The following CLCN2 variants were observed in gnomAD, a reference collection of about 807,000 sequenced individuals.
The protein encoded by CLCN2 is chloride channel protein 2.
A neutral mutation model predicts 108.3 loss-of-function variants in CLCN2; 72 were observed. That is an observed-to-expected ratio of 0.66 (90% confidence interval 0.55 to 0.81). The LOEUF (loss-of-function observed/expected upper bound fraction) is 0.81. CLCN2 is among the 30% of genes least tolerant of loss of function. The pLI, the probability that CLCN2 is intolerant of heterozygous loss-of-function variation, is 0.00. For synonymous variants in CLCN2, 471 were observed against 467.1 expected, an observed-to-expected ratio of 1.01 and a Z score of -0.11; for missense variants, 1,048 against 1,205.2, an observed-to-expected ratio of 0.87 and a Z score of 1.93.
chr3:184,354,582 G>A lies in CLCN2; in HGVS notation c.1473C>T (p.Thr491=). The A allele has an allele frequency of 1.2e-6, 2 of 1,613,320 alleles. No homozygotes were observed. The highest frequency in any genetic ancestry group is 1.7e-6 in the Non-Finnish European group (2 of 1,179,974). The change falls in exon 14 of 24, where the codon ACC becomes ACT. Residue 491 remains threonine (T), a synonymous_variant. Coordinates refer to ENST00000265593, the MANE Select transcript of CLCN2 (RefSeq NM_004366.6). ...CGTAGCCCCCAGGCACAATCCGGTA[G>A]GTGCTGCTGTCCGTATGAATTCCAT... is the stretch of plus-strand genomic sequence containing the variant. ...FPDGIHTDSS[T]YRIVPGGYAV...
At chr3:184,356,765 T>C (rs1728583771) in intron 10 of CLCN2, 1 of 565,124 alleles carries the variant, frequency 1.8e-6, no homozygotes, top group Admixed American at 2.9e-5. Flanking sequence ...GGCCTTAGTC[T>C]TTGATTCCCA....
At position 184,352,757 on chromosome 3, in the gene CLCN2, G is replaced by A. The variant is rs200095202; in HGVS notation, c.2197C>T (p.Pro733Ser). Residue 733 changes from proline (P) to serine (S), a missense_variant, in exon 19 of 24, where the codon CCC becomes TCC. Pro to Ser is a moderately conservative substitution (Grantham distance 74, BLOSUM62 -1). Transcript: ENST00000265593. ...ALRSLFCGSP[P>S]PEAASEKLES... ...CTCACCTCCGAAGCAGCCTCAGGGG[G>A]TGGACTGCCACAGAAGAGGCTCCGG... 47 of 1,613,076 alleles carry A rather than the reference G, an allele frequency of 2.9e-5. No homozygotes were observed. In the Admixed American group the frequency reaches 7.5e-4, roughly 26 times the overall value.
chr3:184,346,887 C>T lies in CLCN2; in HGVS notation c.2502+48G>A. 6.2e-7 allele frequency: 1 copy of T among 1,611,584 alleles called. No homozygotes were observed. ...CCCAGGTGAGCTGGACATAAGCCTC[C>T]ATGACTTTTTGGAAGTGGAGCAGCT... On this transcript the variant is annotated intron_variant, in intron 23 of 23. Coordinates refer to ENST00000265593, the MANE Select transcript of CLCN2 (RefSeq NM_004366.6). This position sits in a 1 kb window ranked among gnomAD's most constrained non-coding sequence, Gnocchi z 6.0.
chr3:184,346,646 C>T lies in CLCN2; in HGVS notation c.2657G>A (p.Arg886Gln), dbSNP rs759074708. The T allele has an allele frequency of 4.5e-5, 72 of 1,614,030 alleles. No homozygotes were observed. The highest frequency in any genetic ancestry group is 3.7e-4 in the Admixed American group (22 of 60,010). The change falls in exon 24 of 24, where the codon CGG (arginine) becomes CAG (glutamine). Residue 886 changes from arginine to glutamine, a missense_variant. Coordinates refer to ENST00000265593, the MANE Select transcript of CLCN2 (RefSeq NM_004366.6). This position sits in a 1 kb window ranked among gnomAD's most constrained non-coding sequence, Gnocchi z 6.0. ...GTCGCTGTCGGAAGGGCTGCCCTCC[C>T]GGGGGAGGCCATGACGGGAGTGGGG... The part of the protein sequence containing the change: ...WGPHSRHGLP[R>Q]EGSPSDSDDK...
rs185723263 is a variant in CLCN2 at position 184,360,992 on chromosome 3, A to G, written c.63+425T>C. Among the ~76,000 whole-genome samples the G allele has an allele frequency of 4.0e-4, 61 of 152,306 alleles. 1 individual carries two copies. In the East Asian group the frequency reaches 9.9e-3, roughly 25 times the overall value. ...ACCATCTTTCTACACACTCGATTCT[A>G]TGCTTAGCATGGTGCCATGCACATG... On this transcript the variant is annotated intron_variant, in intron 1 of 23. Coordinates refer to ENST00000265593, the MANE Select transcript of CLCN2 (RefSeq NM_004366.6).
At position 184,354,615 on chromosome 3, in the gene CLCN2, C is replaced by G; in HGVS notation, c.1440G>C (p.Trp480Cys). The G allele has an allele frequency of 1.2e-6, 2 of 1,612,928 alleles. No homozygotes were observed. The highest frequency in any genetic ancestry group is 1.7e-6 in the Non-Finnish European group (2 of 1,179,922). Residue 480 changes from tryptophan (W) to cysteine (C), a missense_variant, in exon 14 of 24, where the codon TGG becomes TGC. By Grantham distance (215) the Trp-to-Cys change is radical. Coordinates refer to ENST00000265593, the MANE Select transcript of CLCN2 (RefSeq NM_004366.6). ...TGTCCGTATGAATTCCATCTGGGAA[C>G]CAGGCAGCCATGCTTTCACCCACCA... ...GRLVGESMAA[W>C]FPDGIHTDSS...
At chr3:184,347,396 T>G in intron 22 of CLCN2, 1 of 358,882 alleles carries the variant, frequency 2.8e-6, no homozygotes, top group Non-Finnish European at 5.4e-6. Context: ...TCCAGTACTG[T>G]CCTGAGAACT....
At chr3:184,360,209 T>G (rs73189632) in intron 1 of CLCN2, among the ~76,000 whole-genome samples, 5 of 142,724 alleles carry the variant, frequency 3.5e-5, no homozygotes, top group Non-Finnish European at 6.1e-5. Flanking sequence ...AGGAGGGAGG[T>G]GAGAGTGGGA....
In CLCN2 at chr3:184,355,202, T is replaced by G; in HGVS notation, c.1326+172A>C. 2.4e-6 allele frequency: 2 copies of G among 831,804 alleles called. No homozygotes were observed. The highest frequency in any genetic ancestry group is 3.4e-4 in the Middle Eastern group (1 of 2,956). 51.5% of individuals were successfully genotyped at this position (831,804 alleles called of 1,614,324 possible). A position where few individuals can be genotyped will look rare whatever the true frequency, so the allele number is the denominator to read the frequency against. On this transcript the variant is annotated intron_variant, in intron 12 of 23. Transcript: ENST00000265593. This position sits in a 1 kb window ranked among gnomAD's most constrained non-coding sequence, Gnocchi z 6.3. ...AGATCATCGCTCTGCCCTCTAGCTG[T>G]GTGACTTTGGGCCAGCTACTTGTGT... is the stretch of plus-strand genomic sequence containing the variant.
Position 184,355,428 on chromosome 3 carries a change from C to A in CLCN2, c.1272G>T (p.Trp424Cys), listed in dbSNP as rs1488336044. 1.9e-6 allele frequency: 3 copies of A among 1,614,022 alleles called. No homozygotes were observed. In the South Asian group the frequency reaches 3.3e-5, roughly 18 times the overall value. The change falls in exon 12 of 24, where the codon TGG becomes TGT. Residue 424 changes from tryptophan to cysteine, a missense_variant. By Grantham distance (215) the Trp-to-Cys change is radical. Coordinates refer to ENST00000265593, the MANE Select transcript of CLCN2 (RefSeq NM_004366.6). This position sits in a 1 kb window ranked among gnomAD's most constrained non-coding sequence, Gnocchi z 6.3. ...GGAAGACGTTGGCACGTGGTGGGTT[C>A]CAGGCCTGTGAGGTGCTGGGTGGTT... ...ELEPPSTSQA[W>C]NPPRANVFLT...
rs1728448801 is a variant in CLCN2, at chr3:184,355,117, C to T, written c.1327-144G>A. 7.0e-6 allele frequency: 6 copies of T among 854,406 alleles called. No individual in the cohort carries two copies. The Admixed American group carries it at 1.0e-4, about 15-fold the overall frequency. The allele number at this position is 854,406 out of a possible 1,614,324, so 52.9% of individuals were successfully genotyped here. ...CGTAACCCTCCTAGCTACCCTGGGA[C>T]CCCCAGGCCTCCCAGGTGATGGCAA... On this transcript the variant is annotated intron_variant, in intron 12 of 23. Coordinates refer to ENST00000265593, the MANE Select transcript of CLCN2 (RefSeq NM_004366.6). This position sits in a 1 kb window ranked among gnomAD's most constrained non-coding sequence, Gnocchi z 6.3.
Position 184,357,376 on chromosome 3 carries a change from C to T in CLCN2, c.884G>A (p.Trp295Ter). Reference protein sequence around the residue: ...SAFIFRVLAVWNRDEETITAL... With the variant: ...SAFIFRVLAV ...GGTGCCCCCACCTTCATCCCGGTTC[C>T]AGACTGCCAAGACCCGGAAGATGAA... The change falls in exon 8 of 24, where the codon TGG becomes TAG. Residue 295 changes from tryptophan (W) to a stop codon, truncating the protein, a stop_gained. Transcript: ENST00000265593. LOFTEE classifies it high-confidence loss of function. 1 of 1,614,104 alleles carries T rather than the reference C, an allele frequency of 6.2e-7. No individual in the cohort carries two copies. Among genetic ancestry groups the T allele is most frequent in the South Asian group, 1.1e-5 (1 of 91,088 alleles).
In CLCN2 at chr3:184,346,555, T is replaced by A; in HGVS notation, c.*51A>T. 3.1e-6 allele frequency: 5 copies of A among 1,600,340 alleles called. No individual in the cohort carries two copies. The highest frequency in any genetic ancestry group is 3.4e-6 in the Non-Finnish European group (4 of 1,170,342). ...AGGCAGAAGGAATGAAAGATGCACATTCTGGGCTGACGGGCATGGCTAGCA... is the reference window on the plus strand; with the variant it reads ...AGGCAGAAGGAATGAAAGATGCACAATCTGGGCTGACGGGCATGGCTAGCA... On this transcript the variant is annotated 3_prime_UTR_variant, in exon 24 of 24. Transcript: ENST00000265593. The surrounding 1 kb of genome is among the most constrained non-coding windows in gnomAD (Gnocchi z 6.0).
chr3:184,352,758 T>C lies in CLCN2; in HGVS notation c.2196A>G (p.Pro732=), dbSNP rs1577310545. 6.2e-7 allele frequency: 1 copy of C among 1,612,522 alleles called. No individual in the cohort carries two copies. The highest frequency in any genetic ancestry group is 1.1e-5 in the South Asian group (1 of 91,048). Residue 732 remains proline (P), a synonymous_variant, in exon 19 of 24, where the codon CCA becomes CCG. Transcript: ENST00000265593. The stretch of plus-strand genomic sequence containing the variant: ...TCACCTCCGAAGCAGCCTCAGGGGG[T>C]GGACTGCCACAGAAGAGGCTCCGGA... ...IALRSLFCGS[P]PPEAASEKLE... is the part of the protein sequence containing the mutation.
At chr3:184,350,442 A>G (rs948715252) in intron 22 of CLCN2, among the ~76,000 whole-genome samples, 2 of 151,496 alleles carry the variant, frequency 1.3e-5, no homozygotes, top group African/African-American at 4.9e-5. Context: ...GCTACTTATT[A>G]TTATTTTTTT....
rs748634528 is a variant in CLCN2 at position 184,352,684 on chromosome 3, GGA to G, written c.2217+51_2217+52del. On this transcript the variant is annotated intron_variant, in intron 19 of 23. Coordinates refer to ENST00000265593, the MANE Select transcript of CLCN2 (RefSeq NM_004366.6). ...GGGTTAATGACGTGGTCTCAGCATT[GGA>G]GAGGGAGCTGGGGAAAAAGCAAGCT... 5.1e-6 allele frequency: 8 copies of G among 1,582,096 alleles called. No homozygotes were observed. The East Asian group carries it at 1.8e-4, about 35-fold the overall frequency.
Position 184,358,046 on chromosome 3 carries a change from T to G in CLCN2, c.531A>C (p.Lys177Asn). 1 of 1,614,126 alleles carries G rather than the reference T, an allele frequency of 6.2e-7. No homozygotes were observed. Among genetic ancestry groups the G allele is most frequent in the East Asian group, 2.2e-5 (1 of 44,892 alleles). ...MKTILRGVVL[K>N]EYLTLKTFIA... ...TAAAGGTCTTGAGTGTGAGGTATTC[T>G]TTCAGCACCACTCCCCGCAAGATGG... is the stretch of plus-strand genomic sequence containing the variant. The change falls in exon 5 of 24, where the codon AAA (lysine) becomes AAC (asparagine). Residue 177 changes from lysine (K) to asparagine (N), a missense_variant. Coordinates refer to ENST00000265593, the MANE Select transcript of CLCN2 (RefSeq NM_004366.6).
intron 19 of CLCN2, 57 bp from the exon 20 acceptor site, chr3:184,352,553 G>T: frequency 1.9e-6 from 3 of 1,562,596 alleles, no homozygotes; most frequent in South Asian, 1.1e-5. Flanking sequence ...ATAGGGAGAG[G>T]GGAGGTGAGG....
At chr3:184,360,298 C>A (rs1467550932) in intron 1 of CLCN2, among the ~76,000 whole-genome samples, 1 of 151,960 alleles carries the variant, frequency 6.6e-6, no homozygotes, top group Non-Finnish European at 1.5e-5. Context: ...GAGCTCGACC[C>A]TGAGAGCTCA....
Sources: allele counts gnomAD v4.1 joint callset (sites outside exome capture counted in the v4.1 genomes callset), GRCh38; gene constraint gnomAD v4.1.1; non-coding constraint Gnocchi (gnomAD v3.1); transcripts MANE v1.5; gene names NCBI Gene and HGNC (gene_info 2026-07-23, HGNC 2026-07-21).